LYRM7: variants seen among roughly 807,000 people sequenced by gnomAD.
LYRM7 encodes the protein complex III assembly factor LYRM7.
LYRM7 carries 9 observed loss-of-function variants against 15.8 expected under a neutral mutation model. That is an observed-to-expected ratio of 0.57 (90% CI 0.34 to 0.99). The LOEUF (loss-of-function observed/expected upper bound fraction) is 0.99. Ranked by LOEUF, LYRM7 falls within the 50% of genes least tolerant of loss-of-function variation. The probability of loss-of-function intolerance (pLI) is 0.02; values close to 1 mark genes in which losing one functional copy is unlikely to be tolerated. For synonymous variants in LYRM7, 39 were observed against 39.4 expected (o/e 0.99, Z 0.04); for missense variants, 115 against 119.1 (o/e 0.97, Z 0.16).
chr5:131,171,083 G>A (rs772506492), intron 1 of LYRM7, 45 bp downstream of exon 1: 2 of 1,488,690 alleles, frequency 1.3e-6, no homozygotes, highest in South Asian at 1.4e-5. Context: ...GTCGGGGAGG[G>A]TATGTTCGCG....
Position 131,204,834 on chromosome 5 carries a change from A to G in LYRM7, c.*5233A>G, listed in dbSNP as rs557766706. Reference sequence around the variant, plus strand: ...GTACATATTTGCATATATATGTACAAATGGGTAGAAACGATACATGATTAA... The same window carrying G: ...GTACATATTTGCATATATATGTACAGATGGGTAGAAACGATACATGATTAA... On this transcript the variant is annotated 3_prime_UTR_variant, in exon 5 of 5. Transcript: ENST00000379380. 6.6e-6 allele frequency: 1 copy of G among 152,250 alleles called. No homozygotes were observed. The highest frequency in any genetic ancestry group is 1.9e-4 in the East Asian group (1 of 5,322). 9.4% of individuals were successfully genotyped at this position (152,250 alleles called of 1,614,324 possible). A position where few individuals can be genotyped will look rare whatever the true frequency, so the allele number is the denominator to read the frequency against.
rs1430000214 is a variant in LYRM7, at chr5:131,199,826, A to G, written c.*225A>G. The G allele has an allele frequency of 4.7e-5, 15 of 317,284 alleles. No homozygotes were observed. The highest frequency in any genetic ancestry group is 3.4e-4 in the African/African-American group (15 of 44,368). The allele number at this position is 317,284 out of a possible 1,614,324, so 19.7% of individuals were successfully genotyped here. On this transcript the variant is annotated 3_prime_UTR_variant, in exon 5 of 5. Coordinates refer to ENST00000379380, the MANE Select transcript of LYRM7 (RefSeq NM_181705.4). ...TTAGATAAGAAAACATTTCATTTTCATTGAAAATCAAATTTCATAAAGCAA... is the reference window on the plus strand; with the variant it reads ...TTAGATAAGAAAACATTTCATTTTCGTTGAAAATCAAATTTCATAAAGCAA...
rs1168431528 is a variant in LYRM7, at chr5:131,203,735, A to T, written c.*4134A>T. 1 of 152,368 alleles carries T rather than the reference A, an allele frequency of 6.6e-6. No individual in the cohort carries two copies. Among genetic ancestry groups the T allele is most frequent in the Non-Finnish European group, 1.5e-5 (1 of 68,052 alleles). The allele number at this position is 152,368 out of a possible 1,614,324, so 9.4% of individuals were successfully genotyped here. A position where few individuals can be genotyped will look rare whatever the true frequency, so the allele number is the denominator to read the frequency against. On this transcript the variant is annotated 3_prime_UTR_variant, in exon 5 of 5. Coordinates refer to ENST00000379380, the MANE Select transcript of LYRM7 (RefSeq NM_181705.4). ...TTTATCGAAATCCCAACAAGTTGAC[A>T]AATATATCCACATAAAAATATAAAA...
In LYRM7 at chr5:131,192,147, G is replaced by A. The variant is rs1436378427; in HGVS notation, c.244+5038G>A. On this transcript the variant is annotated intron_variant, in intron 4 of 4. Transcript: ENST00000379380. ...ATTTGTGACAACATACATGAACCTG[G>A]AAGACATTATGTTAAGTGAAATAAG... Among the ~76,000 whole-genome samples, 6 of 151,108 alleles carry A rather than the reference G, an allele frequency of 4.0e-5. No homozygotes were observed. In the East Asian group the frequency reaches 1.2e-3, roughly 30 times the overall value.
intron 2 of LYRM7, among the ~76,000 whole-genome samples, chr5:131,181,463 A>G (rs969124400): frequency 1.5e-5 from 2 of 132,576 alleles, no homozygotes; most frequent in Non-Finnish European, 3.1e-5. Context: ...AAACATATAT[A>G]TGTATATATA....
intron 3 of LYRM7, among the ~76,000 whole-genome samples, chr5:131,184,121 TA>T (rs1755756130): frequency 6.6e-6 from 1 of 151,914 alleles, no homozygotes; most frequent in Non-Finnish European, 1.5e-5. Context: ...AGGTGCATGC[TA>T]CCACACCCAG....
In LYRM7 at chr5:131,170,981, C is replaced by T; in HGVS notation, c.-40C>T. On this transcript the variant is annotated 5_prime_UTR_variant, in exon 1 of 5. Transcript: ENST00000379380. ...GATTGGTTGCTGAGAGGCGGGGCTA[C>T]TCGACTGCTCTGGAGGTAGCGGCCG... 6.5e-7 allele frequency: 1 copy of T among 1,534,804 alleles called. No homozygotes were observed. Among genetic ancestry groups the T allele is most frequent in the Non-Finnish European group, 8.7e-7 (1 of 1,145,208 alleles).
intron 4 of LYRM7, among the ~76,000 whole-genome samples, chr5:131,192,029 G>GCATA (rs1181525821): frequency 9.0e-6 from 1 of 110,528 alleles, no homozygotes; most frequent in Non-Finnish European, 1.8e-5. Context: ...AAAATGTGGT[G>GCATA]CATACACACA....
intron 1 of LYRM7, among the ~76,000 whole-genome samples, chr5:131,177,972 GA>G (rs1031367424): frequency 6.6e-6 from 1 of 152,012 alleles, no homozygotes; most frequent in African/African-American, 2.4e-5. Flanking sequence ...TCACCTGTTT[GA>G]TAGCCAAGAG....
intron 4 of LYRM7, among the ~76,000 whole-genome samples, chr5:131,193,640 A>C (rs1000098872): frequency 1.3e-5 from 2 of 152,206 alleles, no homozygotes; most frequent in African/African-American, 4.8e-5. Context: ...TATGCTATCC[A>C]TAATAATTTA....
At chr5:131,185,406 T>C (rs1755781909) in intron 3 of LYRM7, among the ~76,000 whole-genome samples, 1 of 152,328 alleles carries the variant, frequency 6.6e-6, no homozygotes, top group African/African-American at 2.4e-5. Context: ...TTGCCTCTTC[T>C]TGGGATATTC....
At chr5:131,196,743 C>T (rs900986813) in intron 4 of LYRM7, among the ~76,000 whole-genome samples, 1 of 151,898 alleles carries the variant, frequency 6.6e-6, no homozygotes, top group African/African-American at 2.4e-5. Flanking sequence ...TCTCGGCTCA[C>T]TGCAACCTCT....
At chr5:131,178,194 G>A (rs564243284) in intron 1 of LYRM7, among the ~76,000 whole-genome samples, 1 of 152,156 alleles carries the variant, frequency 6.6e-6, no homozygotes, top group Non-Finnish European at 1.5e-5. Flanking sequence ...TTAAAATGGT[G>A]TCTAGCACAC....
chr5:131,171,051 G>A lies in LYRM7; in HGVS notation c.18+13G>A, dbSNP rs746794491. 1 of 1,526,356 alleles carries A rather than the reference G, an allele frequency of 6.6e-7. No homozygotes were observed. Among genetic ancestry groups the A allele is most frequent in the Admixed American group, 2.5e-5 (1 of 40,072 alleles). The allele number at this position is 1,526,356 out of a possible 1,614,324, so 94.6% of individuals were successfully genotyped here. A position where few individuals can be genotyped will look rare whatever the true frequency, so the allele number is the denominator to read the frequency against. On this transcript the variant is annotated intron_variant, in intron 1 of 4. Coordinates refer to ENST00000379380, the MANE Select transcript of LYRM7 (RefSeq NM_181705.4). Reference sequence around the variant, plus strand: ...ACGGGCAGTCAAGGTGACAGGGCCCGGGAAGGGGTGGGTACGATGCCGTCG... The same window carrying A: ...ACGGGCAGTCAAGGTGACAGGGCCCAGGAAGGGGTGGGTACGATGCCGTCG...
intron 3 of LYRM7, among the ~76,000 whole-genome samples, chr5:131,183,738 C>A (rs1202862532): frequency 2.0e-5 from 3 of 152,050 alleles, no homozygotes; most frequent in Non-Finnish European, 2.9e-5. Context: ...CAAACGTGGT[C>A]ATCTCAAAGA....
intron 2 of LYRM7, among the ~76,000 whole-genome samples, chr5:131,181,480 A>G (rs1755713015): frequency 9.0e-6 from 1 of 111,126 alleles, no homozygotes; most frequent in Non-Finnish European, 2.0e-5. Flanking sequence ...TATATATAAC[A>G]TATATATGTA....
chr5:131,177,891 C>A (rs1478745692), intron 1 of LYRM7, among the ~76,000 whole-genome samples: 1 of 152,022 alleles, frequency 6.6e-6, no homozygotes, highest in Non-Finnish European at 1.5e-5. Context: ...CTTATCTTTC[C>A]TCTCCTCAAT....
chr5:131,180,213 A>T, intron 2 of LYRM7, 46 bp downstream of exon 2: 1 of 1,339,670 alleles, frequency 7.5e-7, no homozygotes, highest in Non-Finnish European at 1.1e-6. Flanking sequence ...CTTTTTAGAT[A>T]ACTACTAATC....
At chr5:131,181,440 G>GTTA (rs1554089960) in intron 2 of LYRM7, among the ~76,000 whole-genome samples, 8 of 104,096 alleles carry the variant, frequency 7.7e-5, no homozygotes, top group African/African-American at 3.2e-4. Flanking sequence ...ACATATATAT[G>GTTA]TATATATATA....
Sources: gnomAD v4.1 joint callset for allele counts (sites outside exome capture counted in the v4.1 genomes callset) on GRCh38, gnomAD v4.1.1 for gene constraint, MANE v1.5 for transcripts, NCBI Gene and HGNC (gene_info 2026-07-23, HGNC 2026-07-21) for gene names.